The following PDZD2 variants were observed in gnomAD, a reference collection of about 807,000 sequenced individuals.
The protein encoded by PDZD2 is PDZ domain containing 2, also known as PDZ domain-containing protein 2.
A neutral mutation model predicts 220.7 loss-of-function variants in PDZD2; 90 were observed. That is an observed-to-expected ratio of 0.41 (90% CI 0.34 to 0.49). The LOEUF (loss-of-function observed/expected upper bound fraction) is 0.49. Among genes scored for constraint, PDZD2 ranks in the 20% least tolerant of loss-of-function variants. The pLI is 0.28. For missense variants in PDZD2, 3,174 were observed against 3,608.5 expected (o/e 0.88, Z 3.08); for synonymous variants, 1,375 against 1,450.5 (o/e 0.95, Z 1.18).
intron 2 of PDZD2, among the ~76,000 whole-genome samples, chr5:31,814,029 A>AAAAG (rs1755282824): frequency 6.6e-6 from 1 of 152,222 alleles, no homozygotes; most frequent in African/African-American, 2.4e-5. Context: ...TTTTAAATAA[A>AAAAG]AAAGATTTTT....
chr5:31,992,383 G>A (rs1751287938), intron 3 of PDZD2, among the ~76,000 whole-genome samples: 1 of 152,118 alleles, frequency 6.6e-6, no homozygotes, highest in Admixed American at 6.6e-5. Context: ...GGGCAGGCAA[G>A]TGGAGTGGAA....
intron 1 of PDZD2, among the ~76,000 whole-genome samples, chr5:31,724,808 C>G (rs1580628459): frequency 2.0e-5 from 3 of 152,246 alleles, no homozygotes; most frequent in East Asian, 1.9e-4. Flanking sequence ...TGGCTACCAC[C>G]TCACTTTTGT....
At chr5:32,091,257 G>T (rs1743127622) in intron 20 of PDZD2, 82 bp downstream of exon 20, 19 of 741,388 alleles carry the variant, frequency 2.6e-5, no homozygotes, top group East Asian at 3.1e-5. Context: ...AAGTTGCAAA[G>T]ATAATGCAGA....
At position 31,849,967 on chromosome 5, in the gene PDZD2, T is replaced by C. The variant is rs563761488; in HGVS notation, c.476+50243T>C. ...ATATATACATATATATATATACACA[T>C]ATATATATATACATATATATATATA... On this transcript the variant is annotated intron_variant, in intron 2 of 24. Coordinates refer to ENST00000438447, the MANE Select transcript of PDZD2 (RefSeq NM_178140.4). 2.2e-3 allele frequency among the ~76,000 whole-genome samples: 37 copies of C among 17,080 alleles called. 7 individuals are homozygous for C. The highest frequency in any genetic ancestry group is 0.011 in the African/African-American group (27 of 2,494). The allele number at this position is 17,080 out of a possible 152,430, so 11.2% of individuals were successfully genotyped here. A position where few individuals can be genotyped will look rare whatever the true frequency, so the allele number is the denominator to read the frequency against.
chr5:32,043,264 C>G (rs749746625), intron 7 of PDZD2, among the ~76,000 whole-genome samples: 1 of 152,178 alleles, frequency 6.6e-6, no homozygotes, highest in Non-Finnish European at 1.5e-5. Flanking sequence ...CCACTGTTTG[C>G]CACAAATGGA....
intron 6 of PDZD2, among the ~76,000 whole-genome samples, chr5:32,015,384 G>A (rs1023584929): frequency 2.0e-5 from 3 of 151,904 alleles, no homozygotes; most frequent in African/African-American, 7.3e-5. Flanking sequence ...GTAGCTGGGA[G>A]TACAGGTGCA....
At chr5:31,805,849 C>G (rs1035861126) in intron 2 of PDZD2, among the ~76,000 whole-genome samples, 1 of 152,134 alleles carries the variant, frequency 6.6e-6, no homozygotes, top group Non-Finnish European at 1.5e-5. Context: ...AGGGCAAATT[C>G]GGTCACAGAC....
intron 1 of PDZD2, among the ~76,000 whole-genome samples, chr5:31,737,460 C>T (rs1368387571): frequency 6.6e-6 from 1 of 152,110 alleles, no homozygotes; most frequent in Non-Finnish European, 1.5e-5. Context: ...GCGTGAGCTA[C>T]CGCGCCCGGC....
intron 2 of PDZD2, among the ~76,000 whole-genome samples, chr5:31,887,102 T>C (rs770854969): frequency 1.7e-4 from 26 of 152,184 alleles, no homozygotes; most frequent in Admixed American, 1.2e-3. Flanking sequence ...TTCCTTAATG[T>C]TTGCTATGGG....
intron 8 of PDZD2, among the ~76,000 whole-genome samples, chr5:32,051,019 G>T (rs1027738169): frequency 6.6e-6 from 1 of 151,946 alleles, no homozygotes; most frequent in Non-Finnish European, 1.5e-5. Flanking sequence ...CCTACAGGTG[G>T]CAAGTGGCTA....
In PDZD2 at chr5:32,001,105, C is replaced by G. The variant is rs1348632176; in HGVS notation, c.1254+834C>G. On this transcript the variant is annotated intron_variant, in intron 5 of 24. Coordinates refer to ENST00000438447, the MANE Select transcript of PDZD2 (RefSeq NM_178140.4). ...TGGGACAGTTTCATACCAAAACCAT[C>G]CCTCTTGCCCCTACCATCCTTGGAA... Among the ~76,000 whole-genome samples the G allele has an allele frequency of 2.0e-5, 3 of 152,212 alleles. No individual in the cohort carries two copies. The East Asian group carries it at 5.8e-4, about 29-fold the overall frequency.
intron 2 of PDZD2, among the ~76,000 whole-genome samples, chr5:31,859,134 C>T (rs1006886309): frequency 3.7e-4 from 56 of 152,140 alleles, no homozygotes; most frequent in African/African-American, 1.3e-3. Flanking sequence ...GATTGAATCC[C>T]CAACCAATCA....
At chr5:32,067,574 A>T (rs1008374663) in intron 14 of PDZD2, among the ~76,000 whole-genome samples, 4 of 152,200 alleles carry the variant, frequency 2.6e-5, no homozygotes, top group African/African-American at 9.6e-5. Context: ...ATAATGCTGA[A>T]TTCTATATAG....
At chr5:32,013,419 T>G (rs1473930935) in intron 6 of PDZD2, among the ~76,000 whole-genome samples, 1 of 152,016 alleles carries the variant, frequency 6.6e-6, no homozygotes, top group Non-Finnish European at 1.5e-5. Flanking sequence ...AATTTACACT[T>G]GTAGGATAGG....
chr5:31,782,646 C>T (rs1329945606), intron 1 of PDZD2, among the ~76,000 whole-genome samples: 1 of 150,494 alleles, frequency 6.6e-6, no homozygotes, highest in Non-Finnish European at 1.5e-5. Context: ...CTGGATCTAG[C>T]GTATCTTTAA....
chr5:32,100,372 T>TAGGC (rs1744145451), intron 23 of PDZD2: 1 of 182,462 alleles, frequency 5.5e-6, no homozygotes, highest in African/African-American at 2.4e-5. Context: ...CCTTGGCTGG[T>TAGGC]AGGCAGGCAA....
In PDZD2 at chr5:31,724,701, G is replaced by A. The variant is rs146203680; in HGVS notation, c.-360-74188G>A. Among the ~76,000 whole-genome samples, 581 of 149,618 alleles carry A rather than the reference G, an allele frequency of 3.9e-3. 5 individuals are homozygous for A. The highest frequency in any genetic ancestry group is 6.3e-3 in the Non-Finnish European group (423 of 67,632). On this transcript the variant is annotated intron_variant, in intron 1 of 24. Transcript: ENST00000438447. ...GGGGTTAACAAAAAAACAAATCCAC[G>A]CTGCATCATAAATAATGATCATGGG...
In PDZD2 at chr5:31,903,585, A is replaced by G. The variant is rs1254164699; in HGVS notation, c.477-79570A>G. 2.7e-5 allele frequency among the ~76,000 whole-genome samples: 4 copies of G among 147,358 alleles called. No homozygotes were observed. In the South Asian group the frequency reaches 8.6e-4, roughly 32 times the overall value. ...ATCACCTGAGCCTGAGAGATGATGCAGTGAGCCAAGATCACGCCACTGTAC... is the reference window on the plus strand; with the variant it reads ...ATCACCTGAGCCTGAGAGATGATGCGGTGAGCCAAGATCACGCCACTGTAC... On this transcript the variant is annotated intron_variant, in intron 2 of 24. Coordinates refer to ENST00000438447, the MANE Select transcript of PDZD2 (RefSeq NM_178140.4).
At chr5:31,877,592 G>T (rs971267761) in intron 2 of PDZD2, among the ~76,000 whole-genome samples, 1 of 152,094 alleles carries the variant, frequency 6.6e-6, no homozygotes, top group African/African-American at 2.4e-5. Context: ...ATCACTTCTG[G>T]TAAGGTCACG....
Sources: gnomAD v4.1 joint callset for allele counts (sites outside exome capture counted in the v4.1 genomes callset) on GRCh38, gnomAD v4.1.1 for gene constraint, MANE v1.5 for transcripts, NCBI Gene and HGNC (gene_info 2026-07-23, HGNC 2026-07-21) for gene names.